GRB10: variants seen among roughly 807,000 people sequenced by gnomAD.
GRB10 encodes the protein growth factor receptor bound protein 10.
A neutral mutation model predicts 80.9 loss-of-function variants in GRB10; 20 were observed. That is an observed-to-expected ratio of 0.25 (90% CI 0.17 to 0.36). The LOEUF is 0.36. Among genes scored for constraint, GRB10 ranks in the 10% least tolerant of loss-of-function variants. The pLI is 1.00. For synonymous variants in GRB10, 291 were observed against 291.5 expected (o/e 1.00, Z 0.02); for missense variants, 548 against 747.7 (o/e 0.73, Z 3.12).
chr7:50,767,969 T>C (rs965625570), intron 2 of GRB10, among the ~76,000 whole-genome samples: 3 of 152,186 alleles, frequency 2.0e-5, no homozygotes, highest in Non-Finnish European at 4.4e-5. Flanking sequence ...TCCTTCTCTG[T>C]GCAGAGGGCC....
intron 7 of GRB10, 136 bp from the exon 8 acceptor site, chr7:50,627,114 A>G (rs1310156839): frequency 1.2e-6 from 1 of 846,574 alleles, no homozygotes; most frequent in African/African-American, 1.7e-5. Context: ...CAGGCAGCCA[A>G]CAGGTCCCCA....
At chr7:50,701,640 A>AT (rs990497756) in intron 5 of GRB10, among the ~76,000 whole-genome samples, 1 of 152,278 alleles carries the variant, frequency 6.6e-6, no homozygotes, top group African/African-American at 2.4e-5. Flanking sequence ...CCAGTGACAC[A>AT]TTTTTTTCTC....
chr7:50,601,365 A>T (rs1585480856), intron 17 of GRB10, among the ~76,000 whole-genome samples: 1 of 152,210 alleles, frequency 6.6e-6, no homozygotes, highest in Admixed American at 6.5e-5. Flanking sequence ...CCAAAAAGAA[A>T]ATAAATCAGA....
intron 4 of GRB10, among the ~76,000 whole-genome samples, chr7:50,711,480 T>A (rs1342708401): frequency 6.6e-6 from 1 of 152,200 alleles, no homozygotes; most frequent in Non-Finnish European, 1.5e-5. Flanking sequence ...GATGAACATG[T>A]GAACTGCAAC....
chr7:50,617,905 T>C lies in GRB10; in HGVS notation c.846+166A>G. ...ATTTTCCAAGGAAACTTTTAATTTCTGGTTACTCTAAACCCTCCCCCCAAC... is the reference window on the plus strand; with the variant it reads ...ATTTTCCAAGGAAACTTTTAATTTCCGGTTACTCTAAACCCTCCCCCCAAC... On this transcript the variant is annotated intron_variant, in intron 10 of 18. Coordinates refer to ENST00000401949, the MANE Select transcript of GRB10 (RefSeq NM_001350814.2). 4.5e-6 allele frequency: 3 copies of C among 672,390 alleles called. No individual in the cohort carries two copies. The East Asian group carries it at 8.1e-5, about 18-fold the overall frequency. The allele number at this position is 672,390 out of a possible 1,614,324, so 41.7% of individuals were successfully genotyped here.
At chr7:50,681,728 A>T (rs2715133) in intron 5 of GRB10, among the ~76,000 whole-genome samples, 1 of 152,140 alleles carries the variant, frequency 6.6e-6, no homozygotes, top group Non-Finnish European at 1.5e-5. Context: ...TTCAAAATGC[A>T]AAAGTAAACA....
intron 5 of GRB10, among the ~76,000 whole-genome samples, chr7:50,696,378 CA>C (rs2063426788): frequency 6.6e-6 from 1 of 152,200 alleles, no homozygotes; most frequent in Non-Finnish European, 1.5e-5. Context: ...CCAGTTCTCA[CA>C]ACAACTTCAC....
intron 3 of GRB10, among the ~76,000 whole-genome samples, chr7:50,738,152 G>A (rs1285279190): frequency 6.6e-6 from 1 of 152,166 alleles, no homozygotes; most frequent in African/African-American, 2.4e-5. Flanking sequence ...TGGAACCCCT[G>A]AGCATTGCTG....
upstream of GRB10, chr7:50,783,055 G>C (rs982828151): frequency 3.3e-5 from 5 of 152,496 alleles, no homozygotes; most frequent in African/African-American, 1.2e-4. Context: ...TGATGGGCAA[G>C]GACGCGCACA....
chr7:50,792,352 T>C (rs2078959292), intron 1 of GRB10: 3 of 396,248 alleles, frequency 7.6e-6, no homozygotes, highest in East Asian at 3.6e-5. Context: ...TCTCTTACAT[T>C]ACCCAACGTT....
intron 5 of GRB10, among the ~76,000 whole-genome samples, chr7:50,676,543 G>A (rs964568769): frequency 5.9e-5 from 9 of 152,262 alleles, no homozygotes; most frequent in African/African-American, 1.7e-4. Flanking sequence ...TCACATAAGC[G>A]GTATTGAAAA....
intron 3 of GRB10, among the ~76,000 whole-genome samples, chr7:50,734,813 T>G (rs1326670887): frequency 1.3e-5 from 2 of 152,112 alleles, no homozygotes; most frequent in African/African-American, 4.8e-5. Context: ...CTATCTCTGG[T>G]CTCTAATAAA....
chr7:50,730,220 G>A (rs1318364067), intron 4 of GRB10, among the ~76,000 whole-genome samples: 2 of 152,146 alleles, frequency 1.3e-5, no homozygotes, highest in Admixed American at 1.3e-4. Context: ...CCCTCCAACA[G>A]CAGGATGATT....
At chr7:50,737,163 T>C (rs77235705) in intron 3 of GRB10, among the ~76,000 whole-genome samples, 1 of 152,178 alleles carries the variant, frequency 6.6e-6, no homozygotes, top group African/African-American at 2.4e-5. Flanking sequence ...CCAGAATATA[T>C]AAATGATATG....
intron 2 of GRB10, among the ~76,000 whole-genome samples, chr7:50,769,802 T>TA (rs112446356): frequency 0.051 from 7,356 of 144,488 alleles, 541 homozygotes; most frequent in African/African-American, 0.16. Flanking sequence ...ACATGTCAGG[T>TA]AAAAAAAAAA....
upstream of GRB10, among the ~76,000 whole-genome samples, chr7:50,786,843 C>T (rs1328749562): frequency 1.3e-5 from 2 of 152,122 alleles, no homozygotes. Flanking sequence ...AGAAAGACTC[C>T]AAGACAACAG....
intron 4 of GRB10, among the ~76,000 whole-genome samples, chr7:50,705,682 T>C (rs1179041524): frequency 6.6e-6 from 1 of 152,218 alleles, no homozygotes; most frequent in Non-Finnish European, 1.5e-5. Context: ...ATATCGTTTT[T>C]GAAATTTTTC....
chr7:50,778,604 C>T (rs1467370394), intron 2 of GRB10, among the ~76,000 whole-genome samples: 4 of 152,170 alleles, frequency 2.6e-5, no homozygotes, highest in African/African-American at 9.7e-5. Flanking sequence ...ATACCACCTA[C>T]CCTGACAGGG....
At chr7:50,764,821 A>T (rs532519924) in intron 2 of GRB10, among the ~76,000 whole-genome samples, 2 of 152,372 alleles carry the variant, frequency 1.3e-5, no homozygotes, top group South Asian at 2.1e-4. Flanking sequence ...ACCAGGAATA[A>T]GCAACACTGC....
Sources: gnomAD v4.1 joint callset for allele counts (sites outside exome capture counted in the v4.1 genomes callset) on GRCh38, gnomAD v4.1.1 for gene constraint, MANE v1.5 for transcripts, NCBI Gene and HGNC (gene_info 2026-07-23, HGNC 2026-07-21) for gene names.